The following CHCHD6 variants were observed in gnomAD, a reference collection of about 807,000 sequenced individuals.
CHCHD6 encodes coiled-coil-helix-coiled-coil-helix domain containing 6.
A neutral mutation model predicts 32.3 loss-of-function variants in CHCHD6; 28 were observed. The observed-to-expected ratio is 0.87, with a 90% confidence interval of 0.64 to 1.19. The LOEUF (loss-of-function observed/expected upper bound fraction) is 1.19, where lower values mean the gene tolerates loss of function less well. Among genes scored for constraint, CHCHD6 ranks in the 50% most tolerant of loss-of-function variants. The pLI, the probability that CHCHD6 is intolerant of heterozygous loss-of-function variation, is 0.00. For missense variants in CHCHD6, 333 were observed against 307.0 expected, an observed-to-expected ratio of 1.08 and a Z score of -0.63; for synonymous variants, 122 against 117.5, an observed-to-expected ratio of 1.04 and a Z score of -0.25.
intron 5 of CHCHD6, among the ~76,000 whole-genome samples, chr3:126,874,641 A>G (rs372538107): frequency 9.9e-5 from 15 of 152,248 alleles, no homozygotes; most frequent in African/African-American, 3.6e-4. Flanking sequence ...CTTGTATTCA[A>G]TCAATTCCCG....
chr3:126,750,922 A>C (rs1343259829), intron 4 of CHCHD6, among the ~76,000 whole-genome samples: 1 of 152,160 alleles, frequency 6.6e-6, no homozygotes, highest in Non-Finnish European at 1.5e-5. Context: ...CTGTCTCCAC[A>C]AGAAGGCACA....
intron 4 of CHCHD6, among the ~76,000 whole-genome samples, chr3:126,773,602 C>CTTTTTTTTTTTTT (rs769256372): frequency 1.1e-5 from 1 of 89,946 alleles, no homozygotes; most frequent in Non-Finnish European, 2.1e-5. Context: ...TTCTGCTTTT[C>CTTTTTTTTTTTTT]TTTTTTTTTT....
intron 4 of CHCHD6, among the ~76,000 whole-genome samples, chr3:126,812,728 G>A (rs901498890): frequency 2.0e-5 from 3 of 151,980 alleles, no homozygotes; most frequent in Non-Finnish European, 2.9e-5. Context: ...CACCGTGCCC[G>A]GCCGCATCTC....
chr3:126,950,288 C>G (rs2078698738), intron 6 of CHCHD6, among the ~76,000 whole-genome samples: 1 of 151,106 alleles, frequency 6.6e-6, no homozygotes, highest in Non-Finnish European at 1.5e-5. Context: ...TGCACAGAGG[C>G]CTCTCATAGA....
rs1408898159 is a variant in CHCHD6 at position 126,704,465 on chromosome 3, G to C, written c.87+66G>C. 3.0e-6 allele frequency: 3 copies of C among 1,010,090 alleles called. No individual in the cohort carries two copies. The African/African-American group carries it at 5.2e-5, about 17-fold the overall frequency. The allele number at this position is 1,010,090 out of a possible 1,614,324, so 62.6% of individuals were successfully genotyped here. ...CGGGCGCGGGGGGGAGGTGCGGGGC[G>C]GAGCGCAGGGCCGGGGCTCTTTCCA... is the stretch of plus-strand genomic sequence containing the variant. On this transcript the variant is annotated intron_variant, in intron 1 of 7. Transcript: ENST00000290913.
chr3:126,714,076 C>CAAAAAAAA lies in CHCHD6; in HGVS notation c.87+9697_87+9704dup, dbSNP rs1157910763. ...TGGGCGACAGAGCCAGACTGCATCT[C>CAAAAAAAA]AAAAAAAAAAAAAAAAAAAAAAAAA... On this transcript the variant is annotated intron_variant, in intron 1 of 7. Coordinates refer to ENST00000290913, the MANE Select transcript of CHCHD6 (RefSeq NM_032343.3). Among the ~76,000 whole-genome samples the CAAAAAAAA allele has an allele frequency of 9.7e-4, 28 of 28,880 alleles. 3 individuals carry two copies. The highest frequency in any genetic ancestry group is 3.3e-3 in the African/African-American group (27 of 8,140). 18.9% of individuals were successfully genotyped at this position (28,880 alleles called of 152,430 possible).
chr3:126,749,345 G>A (rs1053013680), intron 4 of CHCHD6, among the ~76,000 whole-genome samples: 1 of 152,206 alleles, frequency 6.6e-6, no homozygotes, highest in African/African-American at 2.4e-5. Context: ...CAGTATCTGG[G>A]GGAAGAATTA....
rs539580382 is a variant in CHCHD6, at chr3:126,726,237, G to T, written c.88-841G>T. Among the ~76,000 whole-genome samples the T allele has an allele frequency of 2.0e-4, 30 of 152,280 alleles. No homozygotes were observed. In the South Asian group the frequency reaches 5.4e-3, roughly 27 times the overall value. ...GGCCTAATTTTGTTGTGTCTCAGGG[G>T]ATAGAAAGGCCCAAGGAGAGGGAGA... On this transcript the variant is annotated intron_variant, in intron 1 of 7. Coordinates refer to ENST00000290913, the MANE Select transcript of CHCHD6 (RefSeq NM_032343.3).
At chr3:126,928,129 A>G (rs1255900320) in intron 6 of CHCHD6, among the ~76,000 whole-genome samples, 3 of 152,224 alleles carry the variant, frequency 2.0e-5, no homozygotes, top group African/African-American at 7.2e-5. Flanking sequence ...CCAGGCTGCG[A>G]TGACTTCCGT....
At chr3:126,718,941 A>G (rs1935150372) in intron 1 of CHCHD6, among the ~76,000 whole-genome samples, 1 of 152,228 alleles carries the variant, frequency 6.6e-6, no homozygotes, top group Non-Finnish European at 1.5e-5. Flanking sequence ...CAACTCTCTT[A>G]GTGCCAACAA....
chr3:126,708,088 G>T (rs1284088439), intron 1 of CHCHD6, among the ~76,000 whole-genome samples: 4 of 152,252 alleles, frequency 2.6e-5, no homozygotes, highest in African/African-American at 9.6e-5. Flanking sequence ...CCTGCTTGAG[G>T]TGGGATGGTC....
chr3:126,881,845 A>G (rs957447770), intron 5 of CHCHD6, among the ~76,000 whole-genome samples: 35 of 152,214 alleles, frequency 2.3e-4, no homozygotes, highest in African/African-American at 8.4e-4. Flanking sequence ...GCGGGAGGGC[A>G]TCTGAAGGTG....
intron 1 of CHCHD6, among the ~76,000 whole-genome samples, chr3:126,705,579 C>G (rs549158980): frequency 1.3e-4 from 19 of 151,566 alleles, no homozygotes; most frequent in Admixed American, 5.9e-4. Context: ...TGTTGCTGTG[C>G]TCGGCCTCTT....
At chr3:126,826,492 C>G (rs1242683244) in intron 4 of CHCHD6, among the ~76,000 whole-genome samples, 1 of 152,080 alleles carries the variant, frequency 6.6e-6, no homozygotes, top group Non-Finnish European at 1.5e-5. Context: ...GGTAAGTTCC[C>G]TTTCCTGTTT....
chr3:126,758,443 T>C (rs1297663081), intron 4 of CHCHD6, among the ~76,000 whole-genome samples: 1 of 152,242 alleles, frequency 6.6e-6, no homozygotes, highest in Admixed American at 6.5e-5. Flanking sequence ...TTTTGGCCAT[T>C]CTTTCAATCT....
At chr3:126,957,630 C>T (rs1385456729) in intron 7 of CHCHD6, 79 bp downstream of exon 7, 1 of 1,479,716 alleles carries the variant, frequency 6.8e-7, no homozygotes, top group Non-Finnish European at 9.2e-7. Flanking sequence ...TTGGAGATCT[C>T]TGCCTGCCTT....
At chr3:126,898,381 G>A (rs2077871628) in intron 5 of CHCHD6, among the ~76,000 whole-genome samples, 1 of 152,228 alleles carries the variant, frequency 6.6e-6, no homozygotes, top group Admixed American at 6.5e-5. Flanking sequence ...GCACAGTGCT[G>A]GGCCCGCATC....
intron 4 of CHCHD6, among the ~76,000 whole-genome samples, chr3:126,761,133 A>C (rs185089285): frequency 1.3e-5 from 2 of 152,320 alleles, no homozygotes; most frequent in African/African-American, 4.8e-5. Flanking sequence ...CCTTGCCAAT[A>C]TATATATACG....
At chr3:126,858,540 G>A (rs1235225995) in intron 5 of CHCHD6, among the ~76,000 whole-genome samples, 3 of 152,190 alleles carry the variant, frequency 2.0e-5, no homozygotes, top group African/African-American at 4.8e-5. Context: ...CTCAGGATCT[G>A]CTTTCCAAAT....
Sources: gnomAD v4.1 joint callset for allele counts (sites outside exome capture counted in the v4.1 genomes callset) on GRCh38, gnomAD v4.1.1 for gene constraint, MANE v1.5 for transcripts, NCBI Gene and HGNC (gene_info 2026-07-23, HGNC 2026-07-21) for gene names.